Variants in PPP4R2 observed in about 807,000 individuals in gnomAD.
PPP4R2 encodes protein phosphatase 4 regulatory subunit 2, also known as serine/threonine-protein phosphatase 4 regulatory subunit 2.
In PPP4R2, 13 loss-of-function variants were observed where a neutral mutation model predicts 47.2. The ratio of observed to expected loss-of-function variants is 0.28; its 90% confidence interval spans 0.18 to 0.44. The LOEUF is 0.44. Ranked by LOEUF, PPP4R2 falls within the 20% of genes least tolerant of loss-of-function variation. The probability of loss-of-function intolerance (pLI) is 1.00; values close to 1 mark genes in which losing one functional copy is unlikely to be tolerated. For missense variants in PPP4R2, 421 were observed against 491.2 expected (o/e 0.86, Z 1.35); for synonymous variants, 151 against 163.3 (o/e 0.92, Z 0.57).
chr3:73,019,817 C>A (rs1450911625), intron 2 of PPP4R2, among the ~76,000 whole-genome samples: 1 of 152,142 alleles, frequency 6.6e-6, no homozygotes, highest in African/African-American at 2.4e-5. Context: ...TGTCCAGATT[C>A]TGTCTATTTG....
At chr3:73,027,748 G>A (rs984797895) in intron 2 of PPP4R2, 19 of 151,472 alleles carry the variant, frequency 1.3e-4, no homozygotes, top group African/African-American at 4.1e-4. Context: ...TATGTTACTG[G>A]ATAGTAAGGG....
At chr3:73,005,544 C>CT (rs1359807968) in intron 2 of PPP4R2, among the ~76,000 whole-genome samples, 1 of 151,576 alleles carries the variant, frequency 6.6e-6, no homozygotes, top group Non-Finnish European at 1.5e-5. Flanking sequence ...CTTTTGAGTC[C>CT]TTTTTTAAAA....
intron 2 of PPP4R2, among the ~76,000 whole-genome samples, chr3:73,040,499 A>ATTTTTTTTTTTTTTTTTTT (rs11342756): frequency 8.5e-6 from 1 of 117,586 alleles, no homozygotes; most frequent in Non-Finnish European, 1.7e-5. Flanking sequence ...ATGTGACCTA[A>ATTTTTTTTTTTTTTTTTTT]TTTTTTTTTT....
intron 8 of PPP4R2, 77 bp downstream of exon 8, chr3:73,065,218 A>G (rs181196370): frequency 1.4e-6 from 2 of 1,412,364 alleles, no homozygotes; most frequent in Admixed American, 2.7e-5. Flanking sequence ...TCGTGAAAGA[A>G]TTTTACGTAA....
chr3:73,059,580 A>G (rs1020937141), intron 4 of PPP4R2, among the ~76,000 whole-genome samples: 1 of 152,174 alleles, frequency 6.6e-6, no homozygotes, highest in Admixed American at 6.5e-5. Flanking sequence ...AGAGATAAAC[A>G]TTAGTGTTTG....
rs1702788620 is a variant in PPP4R2 at position 73,059,024 on chromosome 3, T to C, written c.288-13T>C. The C allele has an allele frequency of 4.0e-6, 6 of 1,494,560 alleles. No homozygotes were observed. Among genetic ancestry groups the C allele is most frequent in the African/African-American group, 2.8e-5 (2 of 71,646 alleles). 92.6% of individuals were successfully genotyped at this position (1,494,560 alleles called of 1,614,324 possible). ...TCAGTGATCTCACACTGTAAAATTA[T>C]ATTTTTTTGCAGTATCCCTTTTACT... is the stretch of plus-strand genomic sequence containing the variant. On this transcript the variant is annotated splice_polypyrimidine_tract_variant and intron_variant, in intron 3 of 8. Coordinates refer to ENST00000356692, the MANE Select transcript of PPP4R2 (RefSeq NM_174907.4).
chr3:73,026,908 C>T (rs191767319), intron 2 of PPP4R2, among the ~76,000 whole-genome samples: 1 of 152,212 alleles, frequency 6.6e-6, no homozygotes, highest in East Asian at 1.9e-4. Context: ...AATCCCAGCC[C>T]TGTTACTTAT....
chr3:73,039,771 G>A (rs1266071270), intron 2 of PPP4R2, among the ~76,000 whole-genome samples: 2 of 152,172 alleles, frequency 1.3e-5, no homozygotes, highest in African/African-American at 2.4e-5. Flanking sequence ...TGTCAGCAGT[G>A]GCCGGGCCTG....
At chr3:73,063,318 TAAAAAAAA>T (rs534798966) in intron 5 of PPP4R2, 4 of 92,168 alleles carry the variant, frequency 4.3e-5, no homozygotes, top group African/African-American at 1.2e-4. Context: ...TCTCATTATT[TAAAAAAAA>T]AAAAAAAAAA....
intron 2 of PPP4R2, among the ~76,000 whole-genome samples, chr3:73,007,587 C>G (rs1701638112): frequency 1.3e-5 from 2 of 151,752 alleles, no homozygotes; most frequent in South Asian, 4.1e-4. Context: ...CTCCCAGGTT[C>G]AAGCGATTCT....
chr3:73,025,349 C>G (rs567839452), intron 2 of PPP4R2, among the ~76,000 whole-genome samples: 1 of 152,162 alleles, frequency 6.6e-6, no homozygotes, highest in African/African-American at 2.4e-5. Flanking sequence ...ATAAATTTAG[C>G]ACTGACCCTT....
chr3:73,012,046 C>T (rs970954043), intron 2 of PPP4R2, among the ~76,000 whole-genome samples: 1 of 152,102 alleles, frequency 6.6e-6, no homozygotes, highest in Non-Finnish European at 1.5e-5. Context: ...TGGCAAAGTA[C>T]GGTTGTCCCT....
chr3:73,017,730 C>T (rs1701870579), intron 2 of PPP4R2, among the ~76,000 whole-genome samples: 1 of 151,488 alleles, frequency 6.6e-6, no homozygotes, highest in Non-Finnish European at 1.5e-5. Context: ...AAATCCATAC[C>T]AGCTTTTTTT....
rs373547077 is a variant in PPP4R2, at chr3:73,021,315, C to A, written c.116+23157C>A. On this transcript the variant is annotated intron_variant, in intron 2 of 8. Transcript: ENST00000356692. ...GTGGCAAGATCACTACTCACTGTAG[C>A]CTCAATCTCCCTGGCTCAGGTGATC... 2.5e-4 allele frequency among the ~76,000 whole-genome samples: 38 copies of A among 151,572 alleles called. 1 individual carries two copies. Among genetic ancestry groups the A allele is most frequent in the African/African-American group, 9.0e-4 (37 of 41,268 alleles).
intron 2 of PPP4R2, among the ~76,000 whole-genome samples, chr3:73,034,826 C>T (rs1449754207): frequency 1.3e-5 from 2 of 149,412 alleles, no homozygotes; most frequent in East Asian, 3.9e-4. Flanking sequence ...GGCTACTCTG[C>T]CTGGCCCTAG....
chr3:73,038,413 T>C (rs1216230083), intron 2 of PPP4R2, among the ~76,000 whole-genome samples: 3 of 151,968 alleles, frequency 2.0e-5, no homozygotes, highest in Admixed American at 6.6e-5. Context: ...TCTCACTCTG[T>C]CACCCAGTGG....
At chr3:73,051,638 G>T (rs1159822556) in intron 3 of PPP4R2, among the ~76,000 whole-genome samples, 2 of 152,044 alleles carry the variant, frequency 1.3e-5, no homozygotes, top group African/African-American at 4.8e-5. Context: ...TTGTTTGTTT[G>T]GTTTTCGAGA....
Position 73,064,042 on chromosome 3 carries a change from T to A in PPP4R2, c.534T>A (p.Asn178Lys), listed in dbSNP as rs757320563. The A allele has an allele frequency of 6.2e-7, 1 of 1,612,612 alleles. No individual in the cohort carries two copies. Among genetic ancestry groups the A allele is most frequent in the South Asian group, 1.1e-5 (1 of 90,908 alleles). ...GGCCTGGGACACCCAGGCCACTTAA[T>A]CGACCAAAGGTTTCTTTGTCAGCCC... ...INGPGTPRPL[N>K]RPKVSLSAPM... The change falls in exon 7 of 9, where the codon AAT becomes AAA. Residue 178 changes from asparagine to lysine, a missense_variant. This residue lies in a region of PPP4R2 where 317 missense variants were observed against 287.5 expected (regional missense o/e 1.10). Coordinates refer to ENST00000356692, the MANE Select transcript of PPP4R2 (RefSeq NM_174907.4).
At chr3:73,032,999 G>C (rs183993162) in intron 2 of PPP4R2, among the ~76,000 whole-genome samples, 2 of 152,184 alleles carry the variant, frequency 1.3e-5, no homozygotes, top group Non-Finnish European at 2.9e-5. Context: ...ACCAAGTTAT[G>C]ATGAAAATGG....
Sources: gnomAD v4.1 joint callset for allele counts (sites outside exome capture counted in the v4.1 genomes callset) on GRCh38, gnomAD v4.1.1 for gene constraint, gnomAD v4.1.1 regional missense constraint, MANE v1.5 for transcripts, NCBI Gene and HGNC (gene_info 2026-07-23, HGNC 2026-07-21) for gene names.